Variants in EML6 observed in about 807,000 individuals in gnomAD.
The protein encoded by EML6 is EMAP like 6.
In EML6, 154 loss-of-function variants were observed where a neutral mutation model predicts 240.1. That is an observed-to-expected ratio of 0.64 (90% confidence interval 0.56 to 0.73). EML6 has a LOEUF of 0.73. Ranked by LOEUF, EML6 falls within the 30% of genes least tolerant of loss-of-function variation. The pLI, the probability that EML6 is intolerant of heterozygous loss-of-function variation, is 0.00. For missense variants in EML6, 2,964 were observed against 2,474.6 expected (o/e 1.20, Z -4.20); for synonymous variants, 1,148 against 899.0 (o/e 1.28, Z -4.95).
intron 7 of EML6, among the ~76,000 whole-genome samples, chr2:54,841,155 G>T (rs542997317): frequency 6.6e-6 from 1 of 152,264 alleles, no homozygotes; most frequent in Non-Finnish European, 1.5e-5. Context: ...CTCTGCAGCT[G>T]AGCTGCATGC....
intron 2 of EML6, among the ~76,000 whole-genome samples, chr2:54,806,411 G>C (rs900533941): frequency 6.6e-6 from 1 of 151,766 alleles, no homozygotes; most frequent in South Asian, 2.1e-4. Context: ...TCAGATATTC[G>C]AGACCAGCCT....
chr2:54,952,033 G>A (rs1458458513), intron 30 of EML6, among the ~76,000 whole-genome samples: 1 of 152,200 alleles, frequency 6.6e-6, no homozygotes, highest in African/African-American at 2.4e-5. Context: ...CACTTCCTGT[G>A]ACATATGTCG....
At chr2:54,862,042 T>A (rs906179306) in intron 12 of EML6, among the ~76,000 whole-genome samples, 3 of 152,022 alleles carry the variant, frequency 2.0e-5, no homozygotes, top group Admixed American at 2.0e-4. Flanking sequence ...TGAAATACTT[T>A]CTCTGAGGAT....
At chr2:54,790,532 G>C (rs879126196) in intron 2 of EML6, among the ~76,000 whole-genome samples, 6 of 152,096 alleles carry the variant, frequency 3.9e-5, no homozygotes, top group Admixed American at 2.0e-4. Flanking sequence ...TTCACGGCTG[G>C]AGGGTCCATT....
At chr2:54,756,751 A>C (rs543457966) in intron 2 of EML6, among the ~76,000 whole-genome samples, 1 of 151,952 alleles carries the variant, frequency 6.6e-6, no homozygotes, top group South Asian at 2.1e-4. Context: ...TATTCCTGGC[A>C]TACTGAAATT....
intron 2 of EML6, chr2:54,746,999 C>T (rs1234582998): frequency 1.3e-5 from 2 of 152,196 alleles, no homozygotes; most frequent in African/African-American, 2.4e-5. Context: ...ACTGTATGCA[C>T]TTCAAAGAGA....
intron 41 of EML6, among the ~76,000 whole-genome samples, chr2:54,968,974 T>C (rs1159375243): frequency 1.3e-5 from 2 of 152,158 alleles, no homozygotes; most frequent in Non-Finnish European, 2.9e-5. Context: ...ACCCAATGGT[T>C]GTGACTGGAG....
chr2:54,757,325 T>A (rs1312761847), intron 2 of EML6, among the ~76,000 whole-genome samples: 1 of 152,100 alleles, frequency 6.6e-6, no homozygotes, highest in African/African-American at 2.4e-5. Flanking sequence ...TGAGGGGCAG[T>A]GTTGATGAGT....
intron 16 of EML6, among the ~76,000 whole-genome samples, chr2:54,874,664 C>T (rs534460488): frequency 1.7e-4 from 26 of 152,258 alleles, no homozygotes; most frequent in African/African-American, 5.8e-4. Context: ...ATACGTGATT[C>T]ATTACCATAA....
intron 28 of EML6, among the ~76,000 whole-genome samples, chr2:54,939,644 C>T (rs1167127364): frequency 6.6e-6 from 1 of 152,204 alleles, no homozygotes; most frequent in South Asian, 2.1e-4. Context: ...TCCTTATCCT[C>T]CCCGCTCCCT....
intron 28 of EML6, among the ~76,000 whole-genome samples, chr2:54,930,471 T>A (rs1573166541): frequency 6.6e-6 from 1 of 152,064 alleles, no homozygotes; most frequent in African/African-American, 2.4e-5. Flanking sequence ...TATCAAGCTA[T>A]ACCCCATCAG....
At chr2:54,844,962 A>T (rs1669669311) in intron 8 of EML6, among the ~76,000 whole-genome samples, 1 of 152,208 alleles carries the variant, frequency 6.6e-6, no homozygotes, top group African/African-American at 2.4e-5. Flanking sequence ...TGAGCTTTAG[A>T]TATGCTCAAT....
chr2:54,813,255 C>G lies in EML6; in HGVS notation c.221C>G (p.Thr74Ser). 2.6e-6 allele frequency: 4 copies of G among 1,550,684 alleles called. No homozygotes were observed. Among genetic ancestry groups the G allele is most frequent in the Non-Finnish European group, 2.6e-6 (3 of 1,146,516 alleles). ...AGCCTTGCCTTACACCCAGACAAAA[C>G]TCTCGTTGCAACTGGCCAAGTCGGG... ...IISLALHPDK[T>S]LVATGQVGKE... The change falls in exon 3 of 42, where the codon ACT (threonine) becomes AGT (serine). Residue 74 changes from threonine (T) to serine (S), a missense_variant. Thr to Ser is a moderately conservative substitution (Grantham distance 58). Coordinates refer to ENST00000356458, the MANE Select transcript of EML6 (RefSeq NM_001039753.4).
At chr2:54,895,845 C>A (rs988326142) in intron 21 of EML6, among the ~76,000 whole-genome samples, 2 of 152,142 alleles carry the variant, frequency 1.3e-5, no homozygotes, top group Non-Finnish European at 2.9e-5. Flanking sequence ...CAGTTCCTTG[C>A]CACATAGGGT....
At chr2:54,941,788 C>T (rs114445231) in intron 28 of EML6, among the ~76,000 whole-genome samples, 2 of 152,248 alleles carry the variant, frequency 1.3e-5, no homozygotes, top group Non-Finnish European at 2.9e-5. Context: ...GCGAGGAGCA[C>T]TCCTGCTCCA....
At position 54,849,777 on chromosome 2, in the gene EML6, C is replaced by T. The variant is rs563853148; in HGVS notation, c.1188-185C>T. Among the ~76,000 whole-genome samples, 22 of 152,310 alleles carry T rather than the reference C, an allele frequency of 1.4e-4. No homozygotes were observed. The East Asian group carries it at 2.3e-3, about 16-fold the overall frequency. On this transcript the variant is annotated intron_variant, in intron 9 of 41. Transcript: ENST00000356458. ...TGCTGGGATTACAGGCGTAAGCCACCGCGCCCGGCCAATGCCATAAATTTT... is the reference window on the plus strand; with the variant it reads ...TGCTGGGATTACAGGCGTAAGCCACTGCGCCCGGCCAATGCCATAAATTTT...
intron 13 of EML6, 98 bp downstream of exon 13, chr2:54,863,987 G>C (rs1204843551): frequency 4.6e-6 from 3 of 649,770 alleles, no homozygotes; most frequent in Middle Eastern, 2.5e-4. Flanking sequence ...CTTAGACAAA[G>C]AGAATTGAGG....
At chr2:54,877,109 A>C (rs1191954517) in intron 16 of EML6, among the ~76,000 whole-genome samples, 2 of 151,950 alleles carry the variant, frequency 1.3e-5, no homozygotes, top group African/African-American at 4.8e-5. Flanking sequence ...CAGCCTCCCA[A>C]GTATCTGGGA....
chr2:54,791,640 C>A (rs1459851659), intron 2 of EML6, among the ~76,000 whole-genome samples: 1 of 152,138 alleles, frequency 6.6e-6, no homozygotes, highest in Non-Finnish European at 1.5e-5. Flanking sequence ...CCCTTTTGTT[C>A]TTCTCTCCAT....
Sources: gnomAD v4.1 joint callset for allele counts (sites outside exome capture counted in the v4.1 genomes callset) on GRCh38, gnomAD v4.1.1 for gene constraint, MANE v1.5 for transcripts, NCBI Gene and HGNC (gene_info 2026-07-23, HGNC 2026-07-21) for gene names.